The following ZBTB41 variants were observed in gnomAD, a reference collection of about 807,000 sequenced individuals.
ZBTB41 encodes zinc finger and BTB domain-containing protein 41.
In ZBTB41, 42 loss-of-function variants were observed where a neutral mutation model predicts 87.6. The observed-to-expected ratio is 0.48, with a 90% CI of 0.37 to 0.62. ZBTB41 has a LOEUF of 0.62. Ranked by LOEUF, ZBTB41 falls within the 20% of genes least tolerant of loss-of-function variation. The pLI, the probability that ZBTB41 is intolerant of heterozygous loss-of-function variation, is 0.00. For synonymous variants in ZBTB41, 364 were observed against 364.0 expected, an observed-to-expected ratio of 1.00 and a Z score of 0.00; for missense variants, 799 against 1,078.9, an observed-to-expected ratio of 0.74 and a Z score of 3.63.
intron 6 of ZBTB41, among the ~76,000 whole-genome samples, chr1:197,180,115 C>G (rs920644875): frequency 3.3e-5 from 5 of 152,028 alleles, no homozygotes; most frequent in Admixed American, 6.6e-5. Context: ...CACATATATT[C>G]TTTTTTATAT....
In ZBTB41 at chr1:197,189,259, C is replaced by G. The variant is rs941807223; in HGVS notation, c.1399-820G>C. On this transcript the variant is annotated intron_variant, in intron 4 of 10. Coordinates refer to ENST00000367405, the MANE Select transcript of ZBTB41 (RefSeq NM_194314.3). ...AACCTAGGCTGGGCACAGCAGCTCA[C>G]CCCTGTAATCCCGGGAAGCACTTTG... Among the ~76,000 whole-genome samples the G allele has an allele frequency of 8.5e-5, 13 of 152,116 alleles. No individual in the cohort carries two copies. The East Asian group carries it at 2.5e-3, about 29-fold the overall frequency.
At position 197,156,922 on chromosome 1, in the gene ZBTB41, T is replaced by C. The variant is rs1189416414; in HGVS notation, c.*2437A>G. Reference sequence around the variant, plus strand: ...CTGCCACCTACTGACCATGTGAGCTTAAATGAGTCCTTTTATCTTAACCTC... The same window carrying C: ...CTGCCACCTACTGACCATGTGAGCTCAAATGAGTCCTTTTATCTTAACCTC... On this transcript the variant is annotated 3_prime_UTR_variant, in exon 11 of 11. Transcript: ENST00000367405. 1 of 152,192 alleles carries C rather than the reference T, an allele frequency of 6.6e-6. No individual in the cohort carries two copies. The highest frequency in any genetic ancestry group is 1.5e-5 in the Non-Finnish European group (1 of 67,712). 9.4% of individuals were successfully genotyped at this position (152,192 alleles called of 1,614,324 possible). A position where few individuals can be genotyped will look rare whatever the true frequency, so the allele number is the denominator to read the frequency against.
At chr1:197,191,154 G>A (rs1660020603) in intron 3 of ZBTB41, among the ~76,000 whole-genome samples, 1 of 151,954 alleles carries the variant, frequency 6.6e-6, no homozygotes, top group Non-Finnish European at 1.5e-5. Flanking sequence ...TAAAGACAAT[G>A]TTGAGTATAA....
chr1:197,162,545 A>T (rs1326350459), intron 10 of ZBTB41, among the ~76,000 whole-genome samples: 1 of 152,166 alleles, frequency 6.6e-6, no homozygotes, highest in African/African-American at 2.4e-5. Flanking sequence ...GATATTAAAA[A>T]TTGGTATGTG....
Position 197,159,217 on chromosome 1 carries a change from C to T in ZBTB41, c.*142G>A. 1.3e-6 allele frequency: 1 copy of T among 762,054 alleles called. No individual in the cohort carries two copies. The highest frequency in any genetic ancestry group is 2.1e-6 in the Non-Finnish European group (1 of 481,260). 47.2% of individuals were successfully genotyped at this position (762,054 alleles called of 1,614,324 possible). ...TATTCATGTTCAGTAAACAGAGACA[C>T]ATAGTTTTCTTGATTTGAAACTGTT... On this transcript the variant is annotated 3_prime_UTR_variant, in exon 11 of 11. Coordinates refer to ENST00000367405, the MANE Select transcript of ZBTB41 (RefSeq NM_194314.3).
At chr1:197,180,917 T>C in intron 6 of ZBTB41, 71 bp downstream of exon 6, 2 of 1,491,598 alleles carry the variant, frequency 1.3e-6, no homozygotes, top group Non-Finnish European at 1.8e-6. Flanking sequence ...CTAATTCCTA[T>C]AAATCATATT....
At chr1:197,192,895 A>G (rs1203391350) in intron 2 of ZBTB41, among the ~76,000 whole-genome samples, 1 of 152,136 alleles carries the variant, frequency 6.6e-6, no homozygotes. Context: ...GTAAATATAT[A>G]TACAACTGAT....
chr1:197,159,760 A>T lies in ZBTB41; in HGVS notation c.2329T>A (p.Phe777Ile). Residue 777 changes from phenylalanine (F) to isoleucine (I), a missense_variant, in exon 11 of 11, where the codon TTT (phenylalanine) becomes ATT (isoleucine). Transcript: ENST00000367405. Reference sequence around the variant, plus strand: ...ATATATTGTTTTGTTTCTGTTTGAAAGATTTTGTCATCAGATGAGTACTCA... The same window carrying T: ...ATATATTGTTTTGTTTCTGTTTGAATGATTTTGTCATCAGATGAGTACTCA... Reference protein sequence around the residue: ...PVEYSSDDKIFQTETKQYMDQ... With the variant: ...PVEYSSDDKIIQTETKQYMDQ... The T allele has an allele frequency of 6.2e-7, 1 of 1,614,036 alleles. No homozygotes were observed. Among genetic ancestry groups the T allele is most frequent in the Non-Finnish European group, 8.5e-7 (1 of 1,179,916 alleles).
intron 6 of ZBTB41, 112 bp from the exon 7 acceptor site, chr1:197,178,624 C>T (rs1015317198): frequency 3.3e-6 from 2 of 608,630 alleles, no homozygotes; most frequent in Non-Finnish European, 5.2e-6. Context: ...TGGCAATTCT[C>T]TCCTCTTTCT....
intron 10 of ZBTB41, among the ~76,000 whole-genome samples, chr1:197,168,472 A>G (rs1483480752): frequency 6.6e-6 from 1 of 152,162 alleles, no homozygotes; most frequent in Non-Finnish European, 1.5e-5. Flanking sequence ...AAGCACACAT[A>G]TATGATCACT....
intron 8 of ZBTB41, chr1:197,175,940 C>T (rs1051884204): frequency 2.6e-5 from 4 of 151,844 alleles, no homozygotes; most frequent in African/African-American, 4.8e-5. Context: ...CCTGTTCTAC[C>T]GTGCTCATAG....
At chr1:197,194,873 C>T (rs947572860) in intron 2 of ZBTB41, among the ~76,000 whole-genome samples, 2 of 152,174 alleles carry the variant, frequency 1.3e-5, no homozygotes, top group Non-Finnish European at 2.9e-5. Context: ...GGAGAGACAA[C>T]TTTTGACGGA....
intron 5 of ZBTB41, among the ~76,000 whole-genome samples, chr1:197,183,914 G>A (rs1659819331): frequency 6.6e-6 from 1 of 152,148 alleles, no homozygotes; most frequent in Non-Finnish European, 1.5e-5. Flanking sequence ...CTAACAGTTA[G>A]TAAGGTAAGT....
At position 197,159,512 on chromosome 1, in the gene ZBTB41, T is replaced by C. The variant is rs774843599; in HGVS notation, c.2577A>G (p.Lys859=). The change falls in exon 11 of 11, where the codon AAA becomes AAG. Residue 859 remains lysine, a synonymous_variant. Coordinates refer to ENST00000367405, the MANE Select transcript of ZBTB41 (RefSeq NM_194314.3). ...TTGCAGGTTGAGGAGTAAGAGTATA[T>C]TTTTCCAGAAAAGCTAAATCCGCTG... The part of the protein sequence containing the change: ...PRAADLAFLE[K]YTLTPQPANI... 1.2e-6 allele frequency: 2 copies of C among 1,613,818 alleles called. No homozygotes were observed. Among genetic ancestry groups the C allele is most frequent in the Admixed American group, 1.7e-5 (1 of 59,966 alleles).
In ZBTB41 at chr1:197,157,905, C is replaced by T. The variant is rs1659108708; in HGVS notation, c.*1454G>A. On this transcript the variant is annotated 3_prime_UTR_variant, in exon 11 of 11. Transcript: ENST00000367405. The stretch of plus-strand genomic sequence containing the variant: ...GGGCTGGGCTAGACTTTACAGTTTA[C>T]ACACACAAAAAAAGTGCTTAAAGCA... The T allele has an allele frequency of 2.3e-5, 1 of 42,830 alleles. No individual in the cohort carries two copies. Among genetic ancestry groups the T allele is most frequent in the African/African-American group, 4.9e-5 (1 of 20,316 alleles). 2.7% of individuals were successfully genotyped at this position (42,830 alleles called of 1,614,324 possible).
chr1:197,182,917 G>C (rs1659788995), intron 5 of ZBTB41, among the ~76,000 whole-genome samples: 1 of 152,228 alleles, frequency 6.6e-6, no homozygotes, highest in East Asian at 1.9e-4. Flanking sequence ...AGGTCTCCAG[G>C]TGCTTGTGAT....
chr1:197,178,438 A>T lies in ZBTB41; in HGVS notation c.1751T>A (p.Phe584Tyr). ...PHLCSICGQS[F>Y]RHGSSYRLHL... ...TTACCTATACGAACTTCCATGACGA[A>T]AACTTTGCCCACAAATACTACAAAG... is the stretch of plus-strand genomic sequence containing the variant. Residue 584 changes from phenylalanine to tyrosine, a missense_variant, in exon 7 of 11, where the codon TTT (phenylalanine) becomes TAT (tyrosine). This residue lies in a region of ZBTB41 where 198 missense variants were observed against 358.4 expected (regional missense o/e 0.55). Transcript: ENST00000367405. 1 of 1,608,032 alleles carries T rather than the reference A, an allele frequency of 6.2e-7. No individual in the cohort carries two copies. The highest frequency in any genetic ancestry group is 2.2e-5 in the East Asian group (1 of 44,480).
At chr1:197,169,220 G>C (rs1431687488) in intron 10 of ZBTB41, among the ~76,000 whole-genome samples, 1 of 151,746 alleles carries the variant, frequency 6.6e-6, no homozygotes, top group Non-Finnish European at 1.5e-5. Context: ...GGAATCCTAG[G>C]GCCATGAATA....
rs773672957 is a variant in ZBTB41, at chr1:197,188,296, A to G, written c.1542T>C (p.His514=). The G allele has an allele frequency of 2.5e-6, 4 of 1,612,506 alleles. No homozygotes were observed. Among genetic ancestry groups the G allele is most frequent in the African/African-American group, 2.7e-5 (2 of 74,850 alleles). Residue 514 remains histidine (H), a synonymous_variant, in exon 5 of 11, where the codon CAT becomes CAC. Transcript: ENST00000367405. The part of the protein sequence containing the change: ...FARLKHQEKF[H]LGPFPCDICG... ...AAGAAAAAGTAACTTGCTTACCCAG[A>G]TGGAACTTTTCTTGATGCTTTAACC...
Sources: gnomAD v4.1 joint callset for allele counts (sites outside exome capture counted in the v4.1 genomes callset) on GRCh38, gnomAD v4.1.1 for gene constraint, gnomAD v4.1.1 regional missense constraint, MANE v1.5 for transcripts, NCBI Gene and HGNC (gene_info 2026-07-23, HGNC 2026-07-21) for gene names.